Variants in CHST11 observed in about 807,000 individuals in gnomAD.
CHST11 encodes carbohydrate sulfotransferase 11.
A neutral mutation model predicts 30.4 loss-of-function variants in CHST11; 9 were observed. That is an observed-to-expected ratio of 0.30 (90% CI 0.18 to 0.52). CHST11 has a LOEUF of 0.52. Among genes scored for constraint, CHST11 ranks in the 20% least tolerant of loss-of-function variants. The pLI, the probability that CHST11 is intolerant of heterozygous loss-of-function variation, is 0.97. For synonymous variants in CHST11, 152 were observed against 187.8 expected (o/e 0.81, Z 1.56); for missense variants, 348 against 460.6 (o/e 0.76, Z 2.24).
intron 2 of CHST11, among the ~76,000 whole-genome samples, chr12:104,621,865 A>G (rs1017298186): frequency 1.3e-5 from 2 of 152,220 alleles, no homozygotes; most frequent in African/African-American, 4.8e-5. Context: ...TCCCTCTCCC[A>G]AGACCAGGGT....
chr12:104,756,249 G>A (rs2040473463), intron 2 of CHST11, among the ~76,000 whole-genome samples: 1 of 152,224 alleles, frequency 6.6e-6, no homozygotes, highest in African/African-American at 2.4e-5. Context: ...TCTGGGTGCT[G>A]GAGACGCAGG....
intron 1 of CHST11, among the ~76,000 whole-genome samples, chr12:104,522,564 C>T (rs2038083234): frequency 6.6e-6 from 1 of 152,186 alleles, no homozygotes; most frequent in Non-Finnish European, 1.5e-5. Flanking sequence ...AGGGTTCCCC[C>T]AGACCACTCA....
intron 1 of CHST11, among the ~76,000 whole-genome samples, chr12:104,529,818 A>G (rs2038163293): frequency 2.0e-5 from 3 of 152,204 alleles, no homozygotes; most frequent in Admixed American, 1.3e-4. Flanking sequence ...ATTATTCACA[A>G]GTGAGGCAGG....
intron 1 of CHST11, among the ~76,000 whole-genome samples, chr12:104,498,526 G>A (rs1186723116): frequency 6.6e-6 from 1 of 152,230 alleles, no homozygotes; most frequent in Non-Finnish European, 1.5e-5. Flanking sequence ...ATGTGTACAG[G>A]AAGGCTGGGG....
chr12:104,749,718 C>A (rs182274083), intron 2 of CHST11, among the ~76,000 whole-genome samples: 1 of 152,166 alleles, frequency 6.6e-6, no homozygotes, highest in South Asian at 2.1e-4. Context: ...GCTCAGGGAA[C>A]GTGTTAGTTG....
At chr12:104,508,141 C>G (rs374440659) in intron 1 of CHST11, among the ~76,000 whole-genome samples, 1 of 152,218 alleles carries the variant, frequency 6.6e-6, no homozygotes, top group African/African-American at 2.4e-5. Flanking sequence ...CCTCCATATA[C>G]TGTTCTATTA....
intron 2 of CHST11, among the ~76,000 whole-genome samples, chr12:104,605,064 T>C (rs928379685): frequency 8.3e-5 from 12 of 145,076 alleles, no homozygotes; most frequent in Admixed American, 2.2e-4. Context: ...AAAAACAAAC[T>C]ACAAATCCAA....
intron 1 of CHST11, among the ~76,000 whole-genome samples, chr12:104,576,440 C>T (rs1319712161): frequency 2.0e-5 from 3 of 152,154 alleles, no homozygotes; most frequent in South Asian, 4.1e-4. Flanking sequence ...TCTGGGAGTT[C>T]TGGTTCCGGG....
chr12:104,747,194 A>G (rs2136142827), intron 2 of CHST11, among the ~76,000 whole-genome samples: 1 of 152,346 alleles, frequency 6.6e-6, no homozygotes, highest in African/African-American at 2.4e-5. Flanking sequence ...CCACGCCTCC[A>G]GCGGCTGCCC....
intron 1 of CHST11, among the ~76,000 whole-genome samples, chr12:104,479,287 C>T (rs2037594875): frequency 6.6e-6 from 1 of 152,044 alleles, no homozygotes; most frequent in Non-Finnish European, 1.5e-5. Context: ...AAGATGGCTG[C>T]CTGCGGTTCC....
At chr12:104,732,199 G>A (rs769661903) in intron 2 of CHST11, among the ~76,000 whole-genome samples, 3 of 152,212 alleles carry the variant, frequency 2.0e-5, no homozygotes, top group Non-Finnish European at 4.4e-5. Context: ...CCTGGGGTTC[G>A]TGAGCTTTGC....
At chr12:104,748,390 C>T (rs533372317) in intron 2 of CHST11, among the ~76,000 whole-genome samples, 28 of 152,242 alleles carry the variant, frequency 1.8e-4, no homozygotes, top group Admixed American at 1.2e-3. Context: ...GAATTCTCAA[C>T]ACCCAGGACT....
chr12:104,584,276 T>TTTTTC (rs55806959), intron 1 of CHST11, among the ~76,000 whole-genome samples: 1 of 150,352 alleles, frequency 6.7e-6, no homozygotes, highest in Non-Finnish European at 1.5e-5. Context: ...TTTTTTTTTT[T>TTTTTC]CACAGCGTCT....
intron 1 of CHST11, among the ~76,000 whole-genome samples, chr12:104,529,676 A>G (rs558686587): frequency 1.3e-5 from 2 of 152,320 alleles, no homozygotes; most frequent in African/African-American, 2.4e-5. Context: ...AGTTCCTGCC[A>G]TCATTTCTGC....
chr12:104,488,665 G>A (rs549542745), intron 1 of CHST11, among the ~76,000 whole-genome samples: 4 of 151,194 alleles, frequency 2.6e-5, no homozygotes, highest in South Asian at 2.1e-4. Flanking sequence ...GTATGTGTGC[G>A]TGTATGTGTA....
At chr12:104,465,387 A>T (rs916884583) in intron 1 of CHST11, among the ~76,000 whole-genome samples, 1 of 152,192 alleles carries the variant, frequency 6.6e-6, no homozygotes, top group Non-Finnish European at 1.5e-5. Context: ...AAGTGATTTA[A>T]CTTGAGGCTT....
Position 104,676,017 on chromosome 12 carries a change from T to C in CHST11, c.204+74026T>C, listed in dbSNP as rs1055256481. 5.3e-5 allele frequency among the ~76,000 whole-genome samples: 8 copies of C among 152,330 alleles called. No individual in the cohort carries two copies. Among genetic ancestry groups the C allele is most frequent in the African/African-American group, 1.9e-4 (8 of 41,584 alleles). ...AAGCTACATCCCCGCATGCCTCGACTGGTCAACTCCTATAATTCTGTCTGC... is the reference window on the plus strand; with the variant it reads ...AAGCTACATCCCCGCATGCCTCGACCGGTCAACTCCTATAATTCTGTCTGC... On this transcript the variant is annotated intron_variant, in intron 2 of 2. Transcript: ENST00000303694. The surrounding 1 kb of genome is among the most constrained non-coding windows in gnomAD (Gnocchi z 4.4).
intron 2 of CHST11, among the ~76,000 whole-genome samples, chr12:104,756,748 T>C (rs1472151535): frequency 6.6e-6 from 1 of 152,120 alleles, no homozygotes; most frequent in Non-Finnish European, 1.5e-5. Context: ...GGTCTCACTA[T>C]GTTGCCAAGG....
chr12:104,620,884 C>G (rs1213011304), intron 2 of CHST11, among the ~76,000 whole-genome samples: 3 of 152,180 alleles, frequency 2.0e-5, no homozygotes, highest in Non-Finnish European at 2.9e-5. Flanking sequence ...ATAATTGAGT[C>G]TCCTTCCCCA....
Sources: gnomAD v4.1 joint callset for allele counts (sites outside exome capture counted in the v4.1 genomes callset) on GRCh38, gnomAD v4.1.1 for gene constraint, Gnocchi (gnomAD v3.1) non-coding constraint, MANE v1.5 for transcripts, NCBI Gene and HGNC (gene_info 2026-07-23, HGNC 2026-07-21) for gene names.